SEL1L2: variants seen among roughly 807,000 people sequenced by gnomAD.
SEL1L2 encodes protein sel-1 homolog 2.
A neutral mutation model predicts 98.8 loss-of-function variants in SEL1L2; 89 were observed. That is an observed-to-expected ratio of 0.90 (90% confidence interval 0.76 to 1.07). SEL1L2 has a LOEUF of 1.07. Among genes scored for constraint, SEL1L2 ranks in the 50% least tolerant of loss-of-function variants. SEL1L2 has a pLI of 0.00. For synonymous variants in SEL1L2, 262 were observed against 278.5 expected, an observed-to-expected ratio of 0.94 and a Z score of 0.59; for missense variants, 788 against 812.0, an observed-to-expected ratio of 0.97 and a Z score of 0.36.
chr20:13,854,446 A>T (rs1988814578), intron 18 of SEL1L2, among the ~76,000 whole-genome samples: 1 of 152,108 alleles, frequency 6.6e-6, no homozygotes, highest in Non-Finnish European at 1.5e-5. Flanking sequence ...TGATTCCCCT[A>T]CCTGAGTTAG....
intron 17 of SEL1L2, among the ~76,000 whole-genome samples, chr20:13,862,398 G>C (rs1990275508): frequency 6.6e-6 from 1 of 152,174 alleles, no homozygotes; most frequent in Admixed American, 6.5e-5. Flanking sequence ...ATCCATCTCA[G>C]CTGTGGCCAG....
chr20:13,872,319 A>G (rs2046239141), intron 12 of SEL1L2, among the ~76,000 whole-genome samples: 1 of 152,130 alleles, frequency 6.6e-6, no homozygotes, highest in African/African-American at 2.4e-5. Context: ...GTGGGAGGTA[A>G]TTGAATCATG....
chr20:13,964,182 T>A (rs1258823299), intron 1 of SEL1L2, among the ~76,000 whole-genome samples: 1 of 152,076 alleles, frequency 6.6e-6, no homozygotes, highest in Non-Finnish European at 1.5e-5. Flanking sequence ...CCTGTATGTC[T>A]AAATATTTAA....
chr20:13,969,638 C>A (rs1378156367), intron 1 of SEL1L2, among the ~76,000 whole-genome samples: 5 of 152,150 alleles, frequency 3.3e-5, no homozygotes, highest in Non-Finnish European at 4.4e-5. Flanking sequence ...TATCCTCCTA[C>A]CCCATATGTA....
chr20:13,869,709 TAGTATC>T, intron 13 of SEL1L2, 119 bp from the exon 14 acceptor site: 1 of 667,364 alleles, frequency 1.5e-6, no homozygotes, highest in Non-Finnish European at 2.7e-6. Flanking sequence ...GTAATTAAAA[TAGTATC>T]AGAAACATTA....
chr20:13,980,950 TAG>T (rs2051793289), intron 1 of SEL1L2, among the ~76,000 whole-genome samples: 2 of 152,136 alleles, frequency 1.3e-5, no homozygotes, highest in South Asian at 4.2e-4. Context: ...CTCATAAAAA[TAG>T]AGAGTAGAGG....
chr20:13,925,817 T>G (rs1412815296), intron 3 of SEL1L2, among the ~76,000 whole-genome samples: 3 of 152,268 alleles, frequency 2.0e-5, no homozygotes, highest in Non-Finnish European at 4.4e-5. Flanking sequence ...TTTAGGTATT[T>G]GTAGCAAGAG....
chr20:13,991,473 G>T (rs746760054), upstream of SEL1L2, among the ~76,000 whole-genome samples: 10 of 152,184 alleles, frequency 6.6e-5, no homozygotes, highest in Non-Finnish European at 8.8e-5. Flanking sequence ...GACAAGGCTA[G>T]CTCCTCCTGG....
chr20:13,865,835 G>GTGTGTGTGTGTGTC (rs1303956715), intron 15 of SEL1L2, among the ~76,000 whole-genome samples: 1 of 68,586 alleles, frequency 1.5e-5, no homozygotes, highest in Non-Finnish European at 3.7e-5. Flanking sequence ...GTGTGTCTGT[G>GTGTGTGTGTGTGTC]TGTGTGTGTG....
chr20:13,962,159 T>C (rs554632380), intron 1 of SEL1L2, among the ~76,000 whole-genome samples: 6 of 152,286 alleles, frequency 3.9e-5, no homozygotes, highest in South Asian at 4.1e-4. Flanking sequence ...GGGTGGACTA[T>C]TGTAGATTGT....
At chr20:13,868,051 C>A (rs2147837482) in intron 14 of SEL1L2, among the ~76,000 whole-genome samples, 1 of 152,224 alleles carries the variant, frequency 6.6e-6, no homozygotes, top group African/African-American at 2.4e-5. Context: ...CTTCCTCTCT[C>A]ACTCCCCACA....
chr20:13,929,676 A>G (rs2049051658), intron 3 of SEL1L2, among the ~76,000 whole-genome samples: 1 of 150,508 alleles, frequency 6.6e-6, no homozygotes, highest in Non-Finnish European at 1.5e-5. Flanking sequence ...AATTTTTTGT[A>G]TTTTTAGCAG....
intron 4 of SEL1L2, 52 bp from the exon 5 acceptor site, chr20:13,913,996 C>T (rs762355432): frequency 2.7e-6 from 4 of 1,489,540 alleles, no homozygotes; most frequent in South Asian, 1.3e-5. Flanking sequence ...AAATTTTCTT[C>T]TCCTTCTTCA....
chr20:13,870,045 G>T (rs2046108549), intron 13 of SEL1L2, 96 bp downstream of exon 13: 1 of 868,204 alleles, frequency 1.2e-6, no homozygotes. Context: ...TGGCAAACCA[G>T]ATAATAGAGA....
intron 3 of SEL1L2, among the ~76,000 whole-genome samples, chr20:13,928,748 A>G (rs1568986926): frequency 1.3e-5 from 2 of 152,362 alleles, no homozygotes; most frequent in East Asian, 3.9e-4. Flanking sequence ...GGTTGGAATA[A>G]TGGTCCAAAA....
chr20:13,965,667 G>C (rs1401472153), intron 1 of SEL1L2, among the ~76,000 whole-genome samples: 1 of 152,040 alleles, frequency 6.6e-6, no homozygotes, highest in Non-Finnish European at 1.5e-5. Context: ...AAACCTACAA[G>C]TCTTTGGTCG....
intron 2 of SEL1L2, among the ~76,000 whole-genome samples, chr20:13,941,725 A>C (rs2049785437): frequency 6.6e-6 from 1 of 152,190 alleles, no homozygotes; most frequent in Admixed American, 6.5e-5. Context: ...ATGTGGTAAT[A>C]CCTTCAAATT....
chr20:13,892,304 C>T (rs1403656393), intron 5 of SEL1L2, among the ~76,000 whole-genome samples: 1 of 126,030 alleles, frequency 7.9e-6, no homozygotes, highest in Admixed American at 7.4e-5. Flanking sequence ...TGAAAATCAG[C>T]CACCATATGA....
In SEL1L2 at chr20:13,859,290, A is replaced by G. The variant is rs756468849; in HGVS notation, c.1790T>C (p.Met597Thr). 1.2e-6 allele frequency: 2 copies of G among 1,614,062 alleles called. No homozygotes were observed. The highest frequency in any genetic ancestry group is 1.3e-5 in the African/African-American group (1 of 74,936). ...NAQAMFNLAY[M>T]YEHGLGITKD... ...TGTGATGCCTAAGCCGTGTTCATACATATAAGCCAGATTGAACATGGCTTG... is the reference window on the plus strand; with the variant it reads ...TGTGATGCCTAAGCCGTGTTCATACGTATAAGCCAGATTGAACATGGCTTG... Residue 597 changes from methionine (M) to threonine (T), a missense_variant, in exon 18 of 20, where the codon ATG becomes ACG. Met to Thr is a moderately conservative substitution (Grantham distance 81). Coordinates refer to ENST00000284951, the MANE Select transcript of SEL1L2 (RefSeq NM_025229.2).
Sources: gnomAD v4.1 joint callset for allele counts (sites outside exome capture counted in the v4.1 genomes callset) on GRCh38, gnomAD v4.1.1 for gene constraint, MANE v1.5 for transcripts, NCBI Gene and HGNC (gene_info 2026-07-23, HGNC 2026-07-21) for gene names.